PALM2AKAP2: variants seen among roughly 807,000 people sequenced by gnomAD.
The protein encoded by PALM2AKAP2 is PALM2 and AKAP2 fusion.
PALM2AKAP2 carries 37 observed loss-of-function variants against 71.5 expected under a neutral mutation model. The ratio of observed to expected loss-of-function variants is 0.52; its 90% CI spans 0.40 to 0.68. The LOEUF is 0.68. Ranked by LOEUF, PALM2AKAP2 falls within the 30% of genes least tolerant of loss-of-function variation. The pLI is 0.00. For missense variants in PALM2AKAP2, 1,224 were observed against 1,191.8 expected (o/e 1.03, Z -0.40); for synonymous variants, 468 against 478.8 (o/e 0.98, Z 0.29).
At chr9:109,943,561 T>A in intron 6 of PALM2AKAP2, 4 of 1,270,574 alleles carry the variant, frequency 3.1e-6, no homozygotes, top group Non-Finnish European at 4.3e-6. Context: ...TGCTTTGATC[T>A]CTCTCATTTT....
intron 1 of PALM2AKAP2, among the ~76,000 whole-genome samples, chr9:109,704,009 C>A (rs887452361): frequency 3.3e-5 from 5 of 152,150 alleles, no homozygotes; most frequent in Admixed American, 6.5e-5. Flanking sequence ...GGCTCCTTGG[C>A]CAGGTTCTTG....
At chr9:110,159,458 G>A (rs1836542526) in intron 3 of PALM2AKAP2, among the ~76,000 whole-genome samples, 1 of 152,208 alleles carries the variant, frequency 6.6e-6, no homozygotes, top group Admixed American at 6.5e-5. Flanking sequence ...CCTGTCGCGT[G>A]ATTAGAACAC....
chr9:109,876,638 C>T (rs1264711022), intron 2 of PALM2AKAP2, among the ~76,000 whole-genome samples: 1 of 152,160 alleles, frequency 6.6e-6, no homozygotes, highest in Non-Finnish European at 1.5e-5. Context: ...CGCCACCACA[C>T]CCAGCTAATT....
At chr9:109,687,631 C>T (rs1013874497) in intron 1 of PALM2AKAP2, among the ~76,000 whole-genome samples, 3 of 152,260 alleles carry the variant, frequency 2.0e-5, no homozygotes, top group Admixed American at 6.5e-5. Context: ...GCTGGTTTGA[C>T]CACTAAATCT....
chr9:109,781,769 C>G (rs185494089), intron 1 of PALM2AKAP2, among the ~76,000 whole-genome samples: 2 of 152,330 alleles, frequency 1.3e-5, no homozygotes, highest in Admixed American at 1.3e-4. Flanking sequence ...ATTAGGTAAT[C>G]TTTGAACGTG....
chr9:110,148,011 A>G (rs1176417540), intron 2 of PALM2AKAP2, among the ~76,000 whole-genome samples: 1 of 152,200 alleles, frequency 6.6e-6, no homozygotes, highest in African/African-American at 2.4e-5. Flanking sequence ...AAAGTCCATC[A>G]TTAAATGTAC....
chr9:109,668,479 T>C (rs1827524690), intron 1 of PALM2AKAP2, among the ~76,000 whole-genome samples: 1 of 152,256 alleles, frequency 6.6e-6, no homozygotes, highest in African/African-American at 2.4e-5. Context: ...TGTCAAAGCA[T>C]AACTCAGACT....
intron 5 of PALM2AKAP2, among the ~76,000 whole-genome samples, chr9:109,928,768 T>A (rs1056500471): frequency 6.6e-6 from 1 of 150,906 alleles, no homozygotes; most frequent in Non-Finnish European, 1.5e-5. Context: ...GCCTCCAGGG[T>A]TCAAGCGATT....
intron 6 of PALM2AKAP2, among the ~76,000 whole-genome samples, chr9:109,994,146 CT>C (rs1374188528): frequency 6.6e-6 from 1 of 152,196 alleles, no homozygotes; most frequent in Non-Finnish European, 1.5e-5. Flanking sequence ...CCATTGGTAA[CT>C]TTTATTCACA....
At chr9:109,712,421 A>G (rs1828256355) in intron 1 of PALM2AKAP2, among the ~76,000 whole-genome samples, 1 of 152,184 alleles carries the variant, frequency 6.6e-6, no homozygotes, top group African/African-American at 2.4e-5. Context: ...ATACTAATAG[A>G]CTTATGGAAT....
chr9:109,934,297 T>C (rs1379767495), intron 6 of PALM2AKAP2, among the ~76,000 whole-genome samples: 1 of 152,186 alleles, frequency 6.6e-6, no homozygotes, highest in East Asian at 1.9e-4. Context: ...GGGAAATTCT[T>C]CCTCTGATGG....
At chr9:109,993,332 G>A (rs974728932) in intron 6 of PALM2AKAP2, among the ~76,000 whole-genome samples, 1 of 152,076 alleles carries the variant, frequency 6.6e-6, no homozygotes, top group African/African-American at 2.4e-5. Context: ...GGCCACCAGG[G>A]TTCCCAGGTG....
upstream of PALM2AKAP2, chr9:110,048,615 G>A (rs1022056786): frequency 1.7e-5 from 24 of 1,371,838 alleles, no homozygotes; most frequent in Middle Eastern, 2.7e-4. Context: ...GGGGAAGCGA[G>A]GAGGCGGGGA....
intron 2 of PALM2AKAP2, among the ~76,000 whole-genome samples, chr9:109,877,287 G>A (rs887659205): frequency 6.6e-6 from 1 of 152,030 alleles, no homozygotes; most frequent in African/African-American, 2.4e-5. Context: ...GAATTTCCCA[G>A]TTCATCCATT....
At chr9:109,974,573 C>A (rs1364460886) in intron 6 of PALM2AKAP2, among the ~76,000 whole-genome samples, 1 of 152,104 alleles carries the variant, frequency 6.6e-6, no homozygotes, top group Non-Finnish European at 1.5e-5. Context: ...CCAACGCACG[C>A]CACTCTCACT....
chr9:109,687,766 G>T (rs554289321), intron 1 of PALM2AKAP2, among the ~76,000 whole-genome samples: 6 of 152,344 alleles, frequency 3.9e-5, no homozygotes, highest in African/African-American at 1.4e-4. Flanking sequence ...TGGCACAAGA[G>T]GCCTAGTTTT....
chr9:109,970,452 G>A (rs559602373), intron 6 of PALM2AKAP2, among the ~76,000 whole-genome samples: 1 of 152,342 alleles, frequency 6.6e-6, no homozygotes. Flanking sequence ...CTCTAGAAAT[G>A]TGGAGCTTAG....
At chr9:110,044,105 A>G (rs148744818), upstream of PALM2AKAP2, among the ~76,000 whole-genome samples, 18 of 152,084 alleles carry the variant, frequency 1.2e-4, no homozygotes, top group Non-Finnish European at 2.2e-4. Context: ...GAGGAGTAGT[A>G]ACTCATTGTC....
intron 1 of PALM2AKAP2, among the ~76,000 whole-genome samples, chr9:109,745,744 G>A (rs74317876): frequency 0.043 from 6,514 of 152,244 alleles, 192 homozygotes; most frequent in Non-Finnish European, 0.053. Flanking sequence ...ACATGAGCAC[G>A]CAGTGGTGTG....
Sources: allele counts gnomAD v4.1 joint callset (sites outside exome capture counted in the v4.1 genomes callset), GRCh38; gene constraint gnomAD v4.1.1; transcripts MANE v1.5; gene names NCBI Gene and HGNC (gene_info 2026-07-23, HGNC 2026-07-21).